The following UTRN variants were observed in gnomAD, a reference collection of about 807,000 sequenced individuals.
UTRN encodes the protein dystrophin-related protein 1.
A neutral mutation model predicts 463.9 loss-of-function variants in UTRN; 283 were observed. The ratio of observed to expected loss-of-function variants is 0.61; its 90% CI spans 0.55 to 0.67. The LOEUF (loss-of-function observed/expected upper bound fraction) is 0.67. UTRN is among the 30% of genes least tolerant of loss of function. The pLI, the probability that UTRN is intolerant of heterozygous loss-of-function variation, is 0.00. For missense variants in UTRN, 3,922 were observed against 4,084.3 expected (o/e 0.96, Z 1.08); for synonymous variants, 1,442 against 1,431.5 (o/e 1.01, Z -0.17).
In UTRN at chr6:144,429,657, A is replaced by G; in HGVS notation, c.771A>G (p.Gln257=). The G allele has an allele frequency of 6.2e-7, 1 of 1,613,302 alleles. No homozygotes were observed. The highest frequency in any genetic ancestry group is 8.5e-7 in the Non-Finnish European group (1 of 1,179,568). ...LTSLFEVLPQ[Q]VTIDAIREVE... The stretch of plus-strand genomic sequence containing the variant: ...CTTTGTTTGAGGTGCTACCTCAGCA[A>G]GTCACCATAGACGCCATCCGTGAGG... Residue 257 remains glutamine (Q), a synonymous_variant, in exon 9 of 75, where the codon CAA becomes CAG. Transcript: ENST00000367545.
intron 9 of UTRN, among the ~76,000 whole-genome samples, chr6:144,433,401 G>C (rs1170529225): frequency 6.6e-6 from 1 of 151,554 alleles, no homozygotes; most frequent in African/African-American, 2.4e-5. Context: ...TGGCTGCCGG[G>C]CGGAGACGCT....
chr6:144,314,959 C>CTTAT (rs35669873), intron 2 of UTRN, among the ~76,000 whole-genome samples: 5,057 of 151,396 alleles, frequency 0.033, 88 homozygotes, highest in Non-Finnish European at 0.046. Flanking sequence ...TATTTTTTTC[C>CTTAT]TTATTTATTT....
Position 144,477,984 on chromosome 6 carries a change from T to A in UTRN, c.3337-1828T>A, listed in dbSNP as rs577050599. Among the ~76,000 whole-genome samples, 83 of 152,276 alleles carry A rather than the reference T, an allele frequency of 5.5e-4. 1 individual carries two copies. The South Asian group carries it at 0.017, about 31-fold the overall frequency. On this transcript the variant is annotated intron_variant, in intron 25 of 74. Coordinates refer to ENST00000367545, the MANE Select transcript of UTRN (RefSeq NM_007124.3). ...GATTCAAAATACAGGAATAAATATA[T>A]GGGAAATTTAAAGTGTCCTCAGGAA... is the stretch of plus-strand genomic sequence containing the variant.
intron 51 of UTRN, among the ~76,000 whole-genome samples, chr6:144,648,523 A>G (rs1291228322): frequency 6.6e-6 from 1 of 152,216 alleles, no homozygotes; most frequent in Non-Finnish European, 1.5e-5. Flanking sequence ...TTTAAAATTT[A>G]AAGTATGACT....
intron 51 of UTRN, among the ~76,000 whole-genome samples, chr6:144,635,514 C>CTTTTCTTTTTT (rs1777035213): frequency 2.7e-4 from 22 of 80,006 alleles, no homozygotes; most frequent in African/African-American, 9.8e-4. Context: ...CTTTTTTTTT[C>CTTTTCTTTTTT]TTTTTTTTTT....
chr6:144,590,030 T>C (rs1562615624), intron 51 of UTRN, among the ~76,000 whole-genome samples: 1 of 151,928 alleles, frequency 6.6e-6, no homozygotes, highest in Non-Finnish European at 1.5e-5. Context: ...CTAATTTTTT[T>C]GTATTTTTTT....
intron 59 of UTRN, among the ~76,000 whole-genome samples, chr6:144,772,979 GTT>G (rs1044583434): frequency 1.4e-5 from 2 of 142,150 alleles, no homozygotes. Flanking sequence ...CTGTGTGAGT[GTT>G]TTTTTTTTTG....
chr6:144,631,348 A>G, intron 51 of UTRN, among the ~76,000 whole-genome samples: 1 of 151,820 alleles, frequency 6.6e-6, no homozygotes. Context: ...CACCTGGCCA[A>G]CTCCAGCAAT....
chr6:144,685,770 TG>T (rs1188806207), intron 52 of UTRN, among the ~76,000 whole-genome samples: 2 of 149,324 alleles, frequency 1.3e-5, no homozygotes, highest in South Asian at 2.1e-4. Context: ...AATTCTTTGT[TG>T]GGAGATTCTG....
chr6:144,288,698 C>A (rs1490452341), intron 1 of UTRN, among the ~76,000 whole-genome samples: 1 of 150,844 alleles, frequency 6.6e-6, no homozygotes, highest in Non-Finnish European at 1.5e-5. Flanking sequence ...TTTTTAGACT[C>A]TCATAAAATC....
At chr6:144,608,907 G>A (rs1805173146) in intron 51 of UTRN, among the ~76,000 whole-genome samples, 2 of 152,112 alleles carry the variant, frequency 1.3e-5, no homozygotes, top group Admixed American at 1.3e-4. Flanking sequence ...AAAAAGAAAG[G>A]ATTCAAAACA....
chr6:144,473,097 T>C (rs1790837482), intron 23 of UTRN, among the ~76,000 whole-genome samples: 1 of 152,152 alleles, frequency 6.6e-6, no homozygotes, highest in African/African-American at 2.4e-5. Flanking sequence ...CTGGTTCCAA[T>C]GTTACCTTCT....
chr6:144,603,097 T>C (rs1246631836), intron 51 of UTRN, among the ~76,000 whole-genome samples: 2 of 152,198 alleles, frequency 1.3e-5, no homozygotes, highest in African/African-American at 4.8e-5. Context: ...ATTTTTTTTG[T>C]TTGATTCTCC....
chr6:144,553,617 T>G (rs1199783576), intron 48 of UTRN, among the ~76,000 whole-genome samples: 1 of 152,122 alleles, frequency 6.6e-6, no homozygotes, highest in East Asian at 1.9e-4. Context: ...AAGTGATTAA[T>G]AAAAAATTTA....
intron 34 of UTRN, among the ~76,000 whole-genome samples, chr6:144,502,826 C>T (rs567616576): frequency 6.6e-6 from 1 of 150,892 alleles, no homozygotes; most frequent in African/African-American, 2.4e-5. Context: ...CTTGAGGAAT[C>T]ACCTCTTCCA....
intron 53 of UTRN, among the ~76,000 whole-genome samples, chr6:144,709,443 A>G (rs578175875): frequency 6.6e-6 from 1 of 152,200 alleles, no homozygotes; most frequent in South Asian, 2.1e-4. Context: ...GCTACAAAGA[A>G]CTCTTGTCTT....
intron 48 of UTRN, 39 bp downstream of exon 48, chr6:144,551,121 TTCCC>T: frequency 7.4e-7 from 1 of 1,342,336 alleles, no homozygotes; most frequent in Non-Finnish European, 1.0e-6. Context: ...ATCATCCACT[TTCCC>T]TGCAAATGGT....
At chr6:144,577,063 A>C (rs561439902) in intron 50 of UTRN, 36 bp from the exon 51 acceptor site, 2 of 1,594,296 alleles carry the variant, frequency 1.3e-6, no homozygotes, top group Non-Finnish European at 1.7e-6. Flanking sequence ...CAACACTGTA[A>C]GTAATGGAGC....
chr6:144,340,385 T>C (rs1235031134), intron 2 of UTRN, among the ~76,000 whole-genome samples: 2 of 152,178 alleles, frequency 1.3e-5, no homozygotes, highest in Non-Finnish European at 2.9e-5. Context: ...CAGGGAAGAA[T>C]GAAGAAGATG....
Sources: allele counts gnomAD v4.1 joint callset (sites outside exome capture counted in the v4.1 genomes callset), GRCh38; gene constraint gnomAD v4.1.1; transcripts MANE v1.5; gene names NCBI Gene and HGNC (gene_info 2026-07-23, HGNC 2026-07-21).